Variants in EPHA3 observed in about 807,000 individuals in gnomAD.
EPHA3 encodes ephrin type-A receptor 3.
EPHA3 carries 42 observed loss-of-function variants against 107.1 expected under a neutral mutation model. The ratio of observed to expected loss-of-function variants is 0.39; its 90% confidence interval spans 0.31 to 0.51. The LOEUF (loss-of-function observed/expected upper bound fraction) is 0.51, where lower values mean the gene tolerates loss of function less well. EPHA3 is among the 20% of genes least tolerant of loss of function. The pLI is 0.78. For synonymous variants in EPHA3, 461 were observed against 424.8 expected (o/e 1.09, Z -1.05); for missense variants, 1,183 against 1,211.2 (o/e 0.98, Z 0.35).
intron 3 of EPHA3, among the ~76,000 whole-genome samples, chr3:89,218,499 G>A (rs1704273220): frequency 6.6e-6 from 1 of 151,870 alleles, no homozygotes; most frequent in African/African-American, 2.4e-5. Flanking sequence ...GTATTCCATG[G>A]TGTATATGTG....
At chr3:89,160,611 G>A (rs1481328462) in intron 2 of EPHA3, among the ~76,000 whole-genome samples, 3 of 148,070 alleles carry the variant, frequency 2.0e-5, no homozygotes, top group African/African-American at 7.5e-5. Flanking sequence ...TTTTCTGTGT[G>A]TATTTCTTTC....
At chr3:89,389,288 G>A (rs558792104) in intron 5 of EPHA3, among the ~76,000 whole-genome samples, 21 of 152,264 alleles carry the variant, frequency 1.4e-4, no homozygotes, top group South Asian at 8.3e-4. Context: ...TGAAAAAACT[G>A]AGAAGGAAAT....
chr3:89,339,553 T>C (rs1411137309), intron 3 of EPHA3, among the ~76,000 whole-genome samples: 4 of 152,172 alleles, frequency 2.6e-5, no homozygotes, highest in Non-Finnish European at 4.4e-5. Flanking sequence ...ATTGCTATCA[T>C]TTTAAGTTAT....
chr3:89,296,074 C>T (rs1706347211), intron 3 of EPHA3, among the ~76,000 whole-genome samples: 2 of 152,180 alleles, frequency 1.3e-5, no homozygotes, highest in Non-Finnish European at 2.9e-5. Context: ...TTGCCATTTC[C>T]ACAACATAGG....
intron 5 of EPHA3, among the ~76,000 whole-genome samples, chr3:89,366,640 C>G (rs1708188684): frequency 6.6e-6 from 1 of 150,482 alleles, no homozygotes; most frequent in Non-Finnish European, 1.5e-5. Flanking sequence ...ATCTTGAGAA[C>G]AGCAATGGAT....
chr3:89,434,872 T>G (rs1709636016), intron 13 of EPHA3, among the ~76,000 whole-genome samples: 1 of 152,178 alleles, frequency 6.6e-6, no homozygotes, highest in African/African-American at 2.4e-5. Flanking sequence ...TTTCGAGTTC[T>G]TCAGGGTTCA....
intron 13 of EPHA3, among the ~76,000 whole-genome samples, chr3:89,444,244 A>G (rs1327054868): frequency 1.3e-5 from 2 of 152,204 alleles, no homozygotes; most frequent in Non-Finnish European, 2.9e-5. Flanking sequence ...CACTACTGCT[A>G]CTACTTTTAC....
intron 3 of EPHA3, among the ~76,000 whole-genome samples, chr3:89,312,812 A>G (rs1278346234): frequency 2.6e-5 from 4 of 151,762 alleles, no homozygotes; most frequent in Admixed American, 2.6e-4. Flanking sequence ...TTCAGCTCCC[A>G]CTTATAAGTG....
chr3:89,202,997 C>T (rs1393437152), intron 2 of EPHA3, among the ~76,000 whole-genome samples: 2 of 152,040 alleles, frequency 1.3e-5, no homozygotes, highest in Non-Finnish European at 2.9e-5. Flanking sequence ...TAGGCCCTGG[C>T]AAATCTGGAG....
chr3:89,200,541 C>T (rs1292432011), intron 2 of EPHA3, among the ~76,000 whole-genome samples: 1 of 152,132 alleles, frequency 6.6e-6, no homozygotes, highest in Non-Finnish European at 1.5e-5. Context: ...TGTACCAACT[C>T]CCAGTCCAGA....
intron 2 of EPHA3, among the ~76,000 whole-genome samples, chr3:89,157,832 T>C (rs1214182421): frequency 6.7e-6 from 1 of 149,566 alleles, no homozygotes; most frequent in Non-Finnish European, 1.5e-5. Context: ...ATATATACAG[T>C]GTAGGTAGTA....
At chr3:89,255,195 A>G (rs1705254344) in intron 3 of EPHA3, among the ~76,000 whole-genome samples, 1 of 152,220 alleles carries the variant, frequency 6.6e-6, no homozygotes, top group Non-Finnish European at 1.5e-5. Context: ...GAAATATTTT[A>G]CCTCAAGACG....
At chr3:89,146,440 C>G (rs1384318383) in intron 2 of EPHA3, among the ~76,000 whole-genome samples, 1 of 151,952 alleles carries the variant, frequency 6.6e-6, no homozygotes, top group African/African-American at 2.4e-5. Flanking sequence ...ATAAAGTCTT[C>G]TTTTGAGAAG....
At chr3:89,453,552 C>A (rs1041760777) in intron 15 of EPHA3, among the ~76,000 whole-genome samples, 1 of 151,980 alleles carries the variant, frequency 6.6e-6, no homozygotes, top group Non-Finnish European at 1.5e-5. Flanking sequence ...AGAATATAAA[C>A]ATTTGGGCAA....
At chr3:89,275,417 G>C in intron 3 of EPHA3, among the ~76,000 whole-genome samples, 1 of 152,030 alleles carries the variant, frequency 6.6e-6, no homozygotes, top group East Asian at 1.9e-4. Flanking sequence ...AACCTTCAAA[G>C]TGTGTAGCTG....
intron 2 of EPHA3, among the ~76,000 whole-genome samples, chr3:89,202,534 A>ATAT (rs1251884296): frequency 9.6e-4 from 36 of 37,668 alleles, no homozygotes; most frequent in Middle Eastern, 0.015. Flanking sequence ...AAAAAAAAAA[A>ATAT]ATATATATAT....
chr3:89,172,785 C>T (rs1330809922), intron 2 of EPHA3, among the ~76,000 whole-genome samples: 1 of 152,052 alleles, frequency 6.6e-6, no homozygotes, highest in Non-Finnish European at 1.5e-5. Context: ...ACATCAATTA[C>T]AGTGTAATTA....
At chr3:89,433,067 A>T (rs966508733) in intron 13 of EPHA3, among the ~76,000 whole-genome samples, 1 of 152,126 alleles carries the variant, frequency 6.6e-6, no homozygotes, top group Non-Finnish European at 1.5e-5. Flanking sequence ...TCTGTCCATG[A>T]TTACCTCCTT....
intron 3 of EPHA3, among the ~76,000 whole-genome samples, chr3:89,332,884 C>A (rs1440153367): frequency 6.6e-6 from 1 of 151,798 alleles, no homozygotes; most frequent in South Asian, 2.1e-4. Flanking sequence ...TTGAAATGAG[C>A]CTTTTAACCC....
Sources: gnomAD v4.1 joint callset for allele counts (sites outside exome capture counted in the v4.1 genomes callset) on GRCh38, gnomAD v4.1.1 for gene constraint, MANE v1.5 for transcripts, NCBI Gene and HGNC (gene_info 2026-07-23, HGNC 2026-07-21) for gene names.